The following PAN3 variants were observed in gnomAD, a reference collection of about 807,000 sequenced individuals.
The protein encoded by PAN3 is PAN2-PAN3 deadenylation complex subunit PAN3.
PAN3 carries 19 observed loss-of-function variants against 96.2 expected under a neutral mutation model. The ratio of observed to expected loss-of-function variants is 0.20; its 90% CI spans 0.14 to 0.29. The LOEUF (loss-of-function observed/expected upper bound fraction) is 0.29. Ranked by LOEUF, PAN3 falls within the 10% of genes least tolerant of loss-of-function variation. PAN3 has a pLI of 1.00. For missense variants in PAN3, 882 were observed against 1,108.1 expected, an observed-to-expected ratio of 0.80 and a Z score of 2.90; for synonymous variants, 433 against 406.6, an observed-to-expected ratio of 1.06 and a Z score of -0.78.
chr13:28,161,169 T>G (rs1276046112), intron 1 of PAN3, among the ~76,000 whole-genome samples: 1 of 152,208 alleles, frequency 6.6e-6, no homozygotes, highest in Admixed American at 6.5e-5. Flanking sequence ...ATTTAATCTT[T>G]TATTATGTGG....
intron 1 of PAN3, among the ~76,000 whole-genome samples, chr13:28,145,754 CTAA>C (rs1870540374): frequency 6.9e-6 from 1 of 145,484 alleles, no homozygotes; most frequent in South Asian, 2.2e-4. Context: ...CCGTGCCAAG[CTAA>C]TTTTTTTTTT....
intron 4 of PAN3, among the ~76,000 whole-genome samples, chr13:28,195,989 A>G (rs981374366): frequency 2.7e-5 from 4 of 150,850 alleles, no homozygotes; most frequent in African/African-American, 7.3e-5. Flanking sequence ...ACTAGAAAAC[A>G]TTATTAATAT....
chr13:28,223,638 A>G (rs1047857383), intron 6 of PAN3, among the ~76,000 whole-genome samples: 4 of 151,092 alleles, frequency 2.6e-5, no homozygotes, highest in Non-Finnish European at 5.9e-5. Flanking sequence ...ATCTCTGCTC[A>G]CTGCAACCTC....
chr13:28,171,955 G>A (rs1874363395), intron 1 of PAN3, among the ~76,000 whole-genome samples: 1 of 152,132 alleles, frequency 6.6e-6, no homozygotes, highest in Non-Finnish European at 1.5e-5. Flanking sequence ...TGGAAATTCC[G>A]AGGGATTTAG....
chr13:28,290,340 ACTTC>A (rs1354341078), intron 18 of PAN3, among the ~76,000 whole-genome samples: 1 of 152,174 alleles, frequency 6.6e-6, no homozygotes, highest in African/African-American at 2.4e-5. Context: ...CCTTCCTTTA[ACTTC>A]CTTAAAACTC....
rs1566269218 is a variant in PAN3, at chr13:28,293,389, T to TTTTTTTTG, written c.*874_*875insGTTTTTTT. On this transcript the variant is annotated 3_prime_UTR_variant, in exon 19 of 19. Transcript: ENST00000380958. ...TTTAGGTTCTTTCCAGTTTGCTGGT[T>TTTTTTTTG]TTTTTTTTTTTTTTTTTTTTTTTTT... 2.7e-4 allele frequency: 4 copies of TTTTTTTTG among 14,640 alleles called. No homozygotes were observed. Among genetic ancestry groups the TTTTTTTTG allele is most frequent in the African/African-American group, 5.7e-4 (4 of 7,016 alleles). 0.9% of individuals were successfully genotyped at this position (14,640 alleles called of 1,614,324 possible).
intron 4 of PAN3, among the ~76,000 whole-genome samples, chr13:28,179,065 A>T (rs1344837299): frequency 6.6e-6 from 1 of 152,328 alleles, no homozygotes; most frequent in East Asian, 1.9e-4. Flanking sequence ...ATGGATGAGA[A>T]TAAGAAGGTA....
intron 4 of PAN3, among the ~76,000 whole-genome samples, chr13:28,186,323 T>C (rs1876462263): frequency 6.6e-6 from 1 of 152,182 alleles, no homozygotes; most frequent in Non-Finnish European, 1.5e-5. Flanking sequence ...TAGTTAAGAG[T>C]ACAATTGTTG....
Position 28,256,259 on chromosome 13 carries a change from C to T in PAN3, c.1001-33C>T, listed in dbSNP as rs746278401. On this transcript the variant is annotated intron_variant, in intron 6 of 18. Transcript: ENST00000380958. ...ACTTGTTCTCTAAAACCAATTATTG[C>T]TCCATTAAGAAACATTTTTACATCT... The T allele has an allele frequency of 2.5e-6, 4 of 1,588,372 alleles. No individual in the cohort carries two copies. The Admixed American group carries it at 7.1e-5, about 28-fold the overall frequency.
At chr13:28,278,109 C>A (rs1369938162) in intron 15 of PAN3, among the ~76,000 whole-genome samples, 1 of 152,246 alleles carries the variant, frequency 6.6e-6, no homozygotes, top group African/African-American at 2.4e-5. Flanking sequence ...TGCTAATCAA[C>A]AGTCTCTTTT....
chr13:28,217,705 A>T (rs1880962502), intron 5 of PAN3, among the ~76,000 whole-genome samples: 1 of 152,196 alleles, frequency 6.6e-6, no homozygotes, highest in Admixed American at 6.5e-5. Context: ...ATATAAACGT[A>T]AATTAGGGTT....
At chr13:28,142,840 C>G (rs371893098) in intron 1 of PAN3, among the ~76,000 whole-genome samples, 1 of 152,160 alleles carries the variant, frequency 6.6e-6, no homozygotes, top group African/African-American at 2.4e-5. Context: ...ATAATTCTCT[C>G]CATTTTGACT....
chr13:28,229,836 C>G (rs1034215711), intron 6 of PAN3, among the ~76,000 whole-genome samples: 14 of 152,166 alleles, frequency 9.2e-5, no homozygotes, highest in African/African-American at 2.9e-4. Flanking sequence ...CCCAGAGTTT[C>G]TGATTTAGTA....
intron 9 of PAN3, among the ~76,000 whole-genome samples, chr13:28,264,467 A>G (rs1885996606): frequency 6.6e-6 from 1 of 152,124 alleles, no homozygotes; most frequent in African/African-American, 2.4e-5. Flanking sequence ...TGAACCTGGG[A>G]GGTGGAGGTT....
intron 6 of PAN3, among the ~76,000 whole-genome samples, chr13:28,242,125 TTCCTCTA>T (rs1883726021): frequency 6.6e-6 from 1 of 152,212 alleles, no homozygotes; most frequent in Admixed American, 6.5e-5. Flanking sequence ...TTCCTTCACA[TTCCTCTA>T]TTTCTCTCGT....
intron 3 of PAN3, 122 bp downstream of exon 3, chr13:28,176,681 T>C: frequency 2.1e-6 from 2 of 957,422 alleles, no homozygotes; most frequent in South Asian, 1.6e-5. Flanking sequence ...AAATAAAAAT[T>C]ATTATCTTCC....
rs570255526 is a variant in PAN3, at chr13:28,178,879, A to T, written c.690+944A>T. Among the ~76,000 whole-genome samples the T allele has an allele frequency of 3.3e-5, 5 of 152,216 alleles. No individual in the cohort carries two copies. The South Asian group carries it at 6.2e-4, about 19-fold the overall frequency. The stretch of plus-strand genomic sequence containing the variant: ...CTTCACGGTGTATAGTTATCCCCAA[A>T]CTCGTTGAGTTGTATACATTAAATA... On this transcript the variant is annotated intron_variant, in intron 4 of 18. Transcript: ENST00000380958.
At chr13:28,177,816 C>A in intron 3 of PAN3, 49 bp from the exon 4 acceptor site, 1 of 1,450,708 alleles carries the variant, frequency 6.9e-7, no homozygotes, top group Non-Finnish European at 9.7e-7. Flanking sequence ...ATTAGATTTG[C>A]GGGTTACCCA....
chr13:28,139,296 G>A (rs1869278022), intron 1 of PAN3, among the ~76,000 whole-genome samples: 1 of 149,778 alleles, frequency 6.7e-6, no homozygotes, highest in Admixed American at 6.6e-5. Flanking sequence ...AGAGCGCGGG[G>A]AGGTTGGGTT....
Sources: gnomAD v4.1 joint callset for allele counts (sites outside exome capture counted in the v4.1 genomes callset) on GRCh38, gnomAD v4.1.1 for gene constraint, MANE v1.5 for transcripts, NCBI Gene and HGNC (gene_info 2026-07-23, HGNC 2026-07-21) for gene names.